ASTN2: variants seen among roughly 807,000 people sequenced by gnomAD.
ASTN2 encodes the protein astrotactin-2.
ASTN2 carries 54 observed loss-of-function variants against 139.8 expected under a neutral mutation model. That is an observed-to-expected ratio of 0.39 (90% confidence interval 0.31 to 0.48). The LOEUF (loss-of-function observed/expected upper bound fraction) is 0.48, where lower values mean the gene tolerates loss of function less well. Ranked by LOEUF, ASTN2 falls within the 20% of genes least tolerant of loss-of-function variation. The probability of loss-of-function intolerance (pLI) is 0.95; values close to 1 mark genes in which losing one functional copy is unlikely to be tolerated. For synonymous variants in ASTN2, 756 were observed against 719.5 expected, an observed-to-expected ratio of 1.05 and a Z score of -0.81; for missense variants, 1,565 against 1,725.1, an observed-to-expected ratio of 0.91 and a Z score of 1.64.
chr9:117,299,435 T>C (rs903520803), intron 1 of ASTN2, among the ~76,000 whole-genome samples: 1 of 152,180 alleles, frequency 6.6e-6, no homozygotes, highest in African/African-American at 2.4e-5. Flanking sequence ...AGATTACTTC[T>C]GGCTGGATCT....
At chr9:116,831,702 C>T (rs1831819273) in intron 11 of ASTN2, among the ~76,000 whole-genome samples, 1 of 152,172 alleles carries the variant, frequency 6.6e-6, no homozygotes, top group Non-Finnish European at 1.5e-5. Context: ...GGTAGACAGA[C>T]TTCTTCCACT....
chr9:116,598,309 T>C (rs1854691065), intron 19 of ASTN2, among the ~76,000 whole-genome samples: 1 of 152,192 alleles, frequency 6.6e-6, no homozygotes, highest in African/African-American at 2.4e-5. Context: ...AGGCAGGTGG[T>C]ATGGGGTAAA....
chr9:116,741,507 G>A (rs904343895), intron 13 of ASTN2, among the ~76,000 whole-genome samples: 1 of 152,148 alleles, frequency 6.6e-6, no homozygotes, highest in African/African-American at 2.4e-5. Flanking sequence ...ACTGAACTGA[G>A]CCTTTATGCC....
At chr9:116,494,384 C>T (rs1849609328) in intron 19 of ASTN2, among the ~76,000 whole-genome samples, 1 of 152,018 alleles carries the variant, frequency 6.6e-6, no homozygotes, top group Admixed American at 6.5e-5. Context: ...AATGTTAGTG[C>T]CCCCCTCACC....
intron 19 of ASTN2, among the ~76,000 whole-genome samples, chr9:116,517,439 A>C (rs1850699032): frequency 6.6e-6 from 1 of 152,188 alleles, no homozygotes; most frequent in Admixed American, 6.5e-5. Flanking sequence ...AGGAAGCCCC[A>C]TTCCTAGGGA....
chr9:116,436,081 G>A lies in ASTN2; in HGVS notation c.3782+4528C>T, dbSNP rs112609205. 4.0e-3 allele frequency among the ~76,000 whole-genome samples: 611 copies of A among 152,246 alleles called. 4 individuals carry two copies. Among genetic ancestry groups the A allele is most frequent in the African/African-American group, 0.014 (578 of 41,542 alleles). On this transcript the variant is annotated intron_variant, in intron 22 of 22. Coordinates refer to ENST00000313400, the MANE Select transcript of ASTN2 (RefSeq NM_001365068.1). ...TGAACCTTGTAAAGGCAGGATCTCTGCCATCTTCACTCTGTATTTTTAGCC... is the reference window on the plus strand; with the variant it reads ...TGAACCTTGTAAAGGCAGGATCTCTACCATCTTCACTCTGTATTTTTAGCC...
intron 3 of ASTN2, among the ~76,000 whole-genome samples, chr9:117,167,007 A>G (rs1830684639): frequency 6.6e-6 from 1 of 152,138 alleles, no homozygotes; most frequent in Non-Finnish European, 1.5e-5. Context: ...CCCAATTGCT[A>G]TTCATTTAGC....
At chr9:116,502,675 AAAGGAAAGAAGGAAGGAAGGAAGG>A (rs1482802048) in intron 19 of ASTN2, among the ~76,000 whole-genome samples, 1 of 134,102 alleles carries the variant, frequency 7.5e-6, no homozygotes, top group Non-Finnish European at 1.6e-5. Flanking sequence ...CAGAAGGAAG[AAAGGAAAGAAGGAAGGAAGGAAGG>A]AAGGAAGGAA....
chr9:116,620,200 T>G, intron 18 of ASTN2, 110 bp downstream of exon 18: 2 of 1,496,318 alleles, frequency 1.3e-6, no homozygotes, highest in South Asian at 2.4e-5. Context: ...TCTTTGAGGA[T>G]CTTGTTAGGC....
intron 19 of ASTN2, among the ~76,000 whole-genome samples, chr9:116,501,062 T>C (rs1442208661): frequency 6.6e-6 from 1 of 152,174 alleles, no homozygotes; most frequent in Non-Finnish European, 1.5e-5. Flanking sequence ...AAGCCTGCCA[T>C]TAACTAATAG....
chr9:116,535,779 G>A (rs1851596101), intron 19 of ASTN2, among the ~76,000 whole-genome samples: 1 of 152,146 alleles, frequency 6.6e-6, no homozygotes, highest in Non-Finnish European at 1.5e-5. Context: ...CTCTCTGGCT[G>A]CCCTTAACAT....
chr9:117,350,956 G>A (rs938997789), intron 1 of ASTN2, among the ~76,000 whole-genome samples: 9 of 152,158 alleles, frequency 5.9e-5, no homozygotes, highest in South Asian at 2.1e-4. Flanking sequence ...TGGCACGACC[G>A]CCATGTTGCA....
chr9:117,013,412 G>C (rs1258746002), intron 6 of ASTN2, among the ~76,000 whole-genome samples: 2 of 151,108 alleles, frequency 1.3e-5, no homozygotes, highest in Non-Finnish European at 2.9e-5. Context: ...CAATGACTCT[G>C]AAATAAATCT....
At chr9:117,180,909 C>T in intron 3 of ASTN2, 1 of 1,592,816 alleles carries the variant, frequency 6.3e-7, no homozygotes, top group Non-Finnish European at 8.5e-7. Context: ...CAATTACATG[C>T]TCCTTGTTCT....
intron 3 of ASTN2, among the ~76,000 whole-genome samples, chr9:117,160,141 G>C (rs1469201131): frequency 6.6e-6 from 1 of 151,986 alleles, no homozygotes; most frequent in Non-Finnish European, 1.5e-5. Flanking sequence ...GGATGGGAAA[G>C]TGTACCCTGC....
At chr9:116,593,806 T>C (rs563903575) in intron 19 of ASTN2, among the ~76,000 whole-genome samples, 1 of 152,336 alleles carries the variant, frequency 6.6e-6, no homozygotes, top group Non-Finnish European at 1.5e-5. Context: ...CTTTATGCTC[T>C]TCCATCTGTC....
At chr9:116,950,023 T>C (rs1360551044) in intron 10 of ASTN2, among the ~76,000 whole-genome samples, 1 of 152,114 alleles carries the variant, frequency 6.6e-6, no homozygotes, top group African/African-American at 2.4e-5. Flanking sequence ...GTATCAGTTA[T>C]GAGTTTGAAT....
At chr9:116,881,386 TC>T in intron 10 of ASTN2, among the ~76,000 whole-genome samples, 1 of 152,344 alleles carries the variant, frequency 6.6e-6, no homozygotes, top group Middle Eastern at 3.4e-3. Context: ...CATATTCTTC[TC>T]CCAGAATGCC....
intron 7 of ASTN2, among the ~76,000 whole-genome samples, chr9:116,983,132 C>T (rs1836558977): frequency 6.6e-6 from 1 of 152,206 alleles, no homozygotes; most frequent in Admixed American, 6.5e-5. Context: ...CTTATTTGCT[C>T]TTCTTGTCAC....
Sources: allele counts gnomAD v4.1 joint callset (sites outside exome capture counted in the v4.1 genomes callset), GRCh38; gene constraint gnomAD v4.1.1; transcripts MANE v1.5; gene names NCBI Gene and HGNC (gene_info 2026-07-23, HGNC 2026-07-21).